CYP2C8: variants seen among roughly 807,000 people sequenced by gnomAD.
CYP2C8 encodes the protein cytochrome P450 2C8.
Under a neutral mutation model 41.3 loss-of-function variants are expected in CYP2C8, and 51 were observed. The ratio of observed to expected loss-of-function variants is 1.24; its 90% CI spans 0.99 to 1.56. The LOEUF is 1.56. Ranked by LOEUF, CYP2C8 falls within the 40% of genes most tolerant of loss-of-function variation. The probability of loss-of-function intolerance (pLI) is 0.00; values close to 1 mark genes in which losing one functional copy is unlikely to be tolerated. For synonymous variants in CYP2C8, 218 were observed against 205.8 expected, an observed-to-expected ratio of 1.06 and a Z score of -0.51; for missense variants, 651 against 579.9, an observed-to-expected ratio of 1.12 and a Z score of -1.26.
In CYP2C8 at chr10:95,043,042, T is replaced by G; in HGVS notation, c.997A>C (p.Arg333=). 6.2e-7 allele frequency: 1 copy of G among 1,614,210 alleles called. No individual in the cohort carries two copies. The highest frequency in any genetic ancestry group is 8.5e-7 in the Non-Finnish European group (1 of 1,180,036). ...TCCTGCATGCAGGGGCTCCTGTGTCTGCCAATTACATGATCAATCTCTTCC... is the reference window on the plus strand; with the variant it reads ...TCCTGCATGCAGGGGCTCCTGTGTCGGCCAATTACATGATCAATCTCTTCC... ...VQEEIDHVIG[R]HRSPCMQDRS... The change falls in exon 7 of 9, where the codon AGA becomes CGA. Residue 333 remains arginine, a synonymous_variant. Coordinates refer to ENST00000371270, the MANE Select transcript of CYP2C8 (RefSeq NM_000770.3).
At position 95,045,726 on chromosome 10, in the gene CYP2C8, C is replaced by T; in HGVS notation, c.961+84G>A. 3 of 1,540,094 alleles carry T rather than the reference C, an allele frequency of 1.9e-6. No individual in the cohort carries two copies. In the South Asian group the frequency reaches 3.4e-5, roughly 17 times the overall value. On this transcript the variant is annotated intron_variant, in intron 6 of 8. Coordinates refer to ENST00000371270, the MANE Select transcript of CYP2C8 (RefSeq NM_000770.3). ...CAGAAATTTAAAGAATGAGCCTTCTCTGAGAGAAACAAGGTGGAGGATACT... is the reference window on the plus strand; with the variant it reads ...CAGAAATTTAAAGAATGAGCCTTCTTTGAGAGAAACAAGGTGGAGGATACT...
chr10:95,044,860 C>T (rs2033077538), intron 6 of CYP2C8, among the ~76,000 whole-genome samples: 1 of 152,196 alleles, frequency 6.6e-6, no homozygotes, highest in African/African-American at 2.4e-5. Context: ...ATCACAGTGA[C>T]ACAGATTAGC....
chr10:95,068,514 A>AT (rs2033615794), intron 1 of CYP2C8: 1 of 1,058,804 alleles, frequency 9.4e-7, no homozygotes, highest in Admixed American at 2.4e-5. Context: ...GAGAAGTTCA[A>AT]TTTTCATGAC....
intron 5 of CYP2C8, among the ~76,000 whole-genome samples, chr10:95,056,094 AAAAT>A (rs1318270442): frequency 3.9e-5 from 6 of 152,136 alleles, no homozygotes; most frequent in Non-Finnish European, 8.8e-5. Context: ...CCTTGTCTCC[AAAAT>A]AAATAAATAA....
intron 5 of CYP2C8, among the ~76,000 whole-genome samples, chr10:95,047,445 T>G (rs2033132030): frequency 1.3e-5 from 2 of 152,170 alleles, no homozygotes; most frequent in African/African-American, 4.8e-5. Context: ...ACCTACATAT[T>G]CATTACAAAG....
chr10:95,058,025 T>G (rs1278202929), intron 5 of CYP2C8, among the ~76,000 whole-genome samples: 1 of 152,200 alleles, frequency 6.6e-6, no homozygotes. Context: ...ATATTCATCT[T>G]CAGTTTGTGG....
At position 95,064,929 on chromosome 10, in the gene CYP2C8, GC is replaced by G. The variant is rs1214877041; in HGVS notation, c.512del (p.Gly171AlafsTer7). On this transcript the variant is annotated frameshift_variant, in exon 4 of 9. Coordinates refer to ENST00000371270, the MANE Select transcript of CYP2C8 (RefSeq NM_000770.3). LOFTEE classifies it high-confidence loss of function. ...AGCAGATCACATTGCAGGGAGCACAGCCCAGGATGAAAGTGGGATCACAGGG... is the reference window on the plus strand; with the variant it reads ...AGCAGATCACATTGCAGGGAGCACAGCCAGGATGAAAGTGGGATCACAGGG... ...ASPCDPTFIL[G>X]CAPCNVICSV... 1 of 1,597,200 alleles carries G rather than the reference GC, an allele frequency of 6.3e-7. No homozygotes were observed. The highest frequency in any genetic ancestry group is 8.5e-7 in the Non-Finnish European group (1 of 1,171,936).
At chr10:95,068,017 G>A (rs1336740187) in intron 1 of CYP2C8, among the ~76,000 whole-genome samples, 6 of 152,302 alleles carry the variant, frequency 3.9e-5, no homozygotes, top group East Asian at 3.9e-4. Flanking sequence ...CATTCTCAGA[G>A]TCCCACAGGT....
intron 5 of CYP2C8, among the ~76,000 whole-genome samples, chr10:95,055,675 G>C (rs945140075): frequency 1.3e-5 from 2 of 152,180 alleles, no homozygotes; most frequent in African/African-American, 4.8e-5. Context: ...AATGTGAAAT[G>C]ACAACCTGTA....
chr10:95,064,450 G>T (rs1377545432), intron 4 of CYP2C8, among the ~76,000 whole-genome samples: 1 of 152,102 alleles, frequency 6.6e-6, no homozygotes, highest in Non-Finnish European at 1.5e-5. Context: ...ATAATCTCCT[G>T]GTGTGCCATT....
intron 5 of CYP2C8, among the ~76,000 whole-genome samples, chr10:95,057,619 T>G (rs1359369449): frequency 6.6e-6 from 1 of 152,146 alleles, no homozygotes. Flanking sequence ...GACAGACCAA[T>G]GGAGTAGAAT....
intron 5 of CYP2C8, among the ~76,000 whole-genome samples, chr10:95,055,778 A>T (rs1341160): frequency 0.11 from 17,034 of 152,170 alleles, 1,317 homozygotes; most frequent in East Asian, 0.32. Flanking sequence ...ACAACAAATG[A>T]CAAGCAACCC....
At chr10:95,045,205 A>C (rs556987274) in intron 6 of CYP2C8, among the ~76,000 whole-genome samples, 3 of 152,354 alleles carry the variant, frequency 2.0e-5, no homozygotes, top group Non-Finnish European at 2.9e-5. Context: ...TGCAATTATT[A>C]AACCCCCTTC....
chr10:95,060,777 G>T (rs964215094), intron 4 of CYP2C8, among the ~76,000 whole-genome samples: 1 of 152,032 alleles, frequency 6.6e-6, no homozygotes, highest in Non-Finnish European at 1.5e-5. Flanking sequence ...ACTGGCTGTG[G>T]GTTTGTCATA....
At chr10:95,045,153 AG>A (rs1337262986) in intron 6 of CYP2C8, among the ~76,000 whole-genome samples, 2 of 152,230 alleles carry the variant, frequency 1.3e-5, no homozygotes, top group Non-Finnish European at 2.9e-5. Flanking sequence ...GTTTACTCTA[AG>A]GGTAAATTGT....
rs1054009907 is a variant in CYP2C8 at position 95,036,906 on chromosome 10, A to T, written c.*222T>A. ...AAGTCAGCATTAGAAAAGTATTAGC[A>T]TATGCAGCAATTAATACAAGTGTTA... On this transcript the variant is annotated 3_prime_UTR_variant, in exon 9 of 9. Coordinates refer to ENST00000371270, the MANE Select transcript of CYP2C8 (RefSeq NM_000770.3). 5.1e-6 allele frequency: 3 copies of T among 583,770 alleles called. No individual in the cohort carries two copies. The East Asian group carries it at 8.8e-5, about 17-fold the overall frequency. The allele number at this position is 583,770 out of a possible 1,614,324, so 36.2% of individuals were successfully genotyped here.
chr10:95,068,575 A>G (rs2033617013), intron 1 of CYP2C8: 1 of 1,287,454 alleles, frequency 7.8e-7, no homozygotes, highest in Non-Finnish European at 1.0e-6. Flanking sequence ...ATTGGATGAA[A>G]TTTCTAATCA....
intron 4 of CYP2C8, 136 bp from the exon 5 acceptor site, chr10:95,058,647 TA>T: frequency 9.0e-6 from 7 of 780,550 alleles, no homozygotes; most frequent in Non-Finnish European, 1.4e-5. Context: ...TATACATATA[TA>T]CATTTTTTAT....
At chr10:95,069,096 T>A in intron 1 of CYP2C8, 139 bp downstream of exon 1, 2 of 967,964 alleles carry the variant, frequency 2.1e-6, no homozygotes, top group Non-Finnish European at 3.2e-6. Context: ...AAAAGAAACA[T>A]CAAAGAAGTT....
Sources: allele counts gnomAD v4.1 joint callset (sites outside exome capture counted in the v4.1 genomes callset), GRCh38; gene constraint gnomAD v4.1.1; transcripts MANE v1.5; gene names NCBI Gene and HGNC (gene_info 2026-07-23, HGNC 2026-07-21).